Variants in BLTP1 observed in about 807,000 individuals in gnomAD.
The protein encoded by BLTP1 is bridge-like lipid transfer protein family member 1, also known as fragile site-associated protein.
the BLTP1 span, chr4:122,203,895 A>G: frequency 1.8e-5 from 8 of 445,592 alleles, no homozygotes; most frequent in African/African-American, 4.2e-5. Flanking sequence ...TTGGCTAATA[A>G]CTTTATAAAA....
chr4:122,284,154 C>T, the BLTP1 span, among the ~76,000 whole-genome samples: 2 of 152,140 alleles, frequency 1.3e-5, no homozygotes, highest in African/African-American at 4.8e-5. Flanking sequence ...GTGCTTGATG[C>T]TTTTTTGTTA....
the BLTP1 span, chr4:122,286,578 C>T: frequency 1.2e-6 from 2 of 1,613,954 alleles, no homozygotes; most frequent in African/African-American, 1.3e-5. Flanking sequence ...TGCCAAATCA[C>T]AGATTGCGTT....
At chr4:122,269,095 G>T in the BLTP1 span, 2 of 964,904 alleles carry the variant, frequency 2.1e-6, no homozygotes, top group Non-Finnish European at 2.5e-6. Flanking sequence ...ACTCTCTAGG[G>T]TTAAAATATC....
the BLTP1 span, chr4:122,247,646 C>T: frequency 8.4e-7 from 1 of 1,194,594 alleles, no homozygotes; most frequent in East Asian, 4.5e-5. Context: ...ATGCTATTTA[C>T]TTGCTCGTTA....
the BLTP1 span, chr4:122,164,357 G>A: frequency 1.0e-6 from 1 of 960,142 alleles, no homozygotes; most frequent in Non-Finnish European, 1.2e-6. Flanking sequence ...TTACACGCCA[G>A]TTGTAAAACA....
the BLTP1 span, among the ~76,000 whole-genome samples, chr4:122,340,003 A>G: frequency 1.3e-5 from 2 of 152,162 alleles, no homozygotes; most frequent in Non-Finnish European, 2.9e-5. Flanking sequence ...TAAAAATGAA[A>G]TAGAGATCAC....
At chr4:122,201,541 TTTAA>T in the BLTP1 span, among the ~76,000 whole-genome samples, 9 of 152,320 alleles carry the variant, frequency 5.9e-5, no homozygotes, top group Admixed American at 5.9e-4. Flanking sequence ...GGAGCCCTTA[TTTAA>T]TCTTTTCTGT....
At chr4:122,210,965 C>T in the BLTP1 span, 1 of 1,613,828 alleles carries the variant, frequency 6.2e-7, no homozygotes. Flanking sequence ...TCTTCTCCCT[C>T]TACTTCTTCA....
the BLTP1 span, chr4:122,300,017 T>G: frequency 1.2e-6 from 1 of 852,004 alleles, no homozygotes; most frequent in Non-Finnish European, 1.4e-6. Context: ...ATATATTTTT[T>G]TATTTTGTTT....
chr4:122,209,793 A>G, the BLTP1 span: 3 of 1,610,996 alleles, frequency 1.9e-6, no homozygotes, highest in Non-Finnish European at 2.5e-6. Flanking sequence ...ATCTGACTAG[A>G]AACTGTCTGT....
At chr4:122,343,631 T>A in the BLTP1 span, 1 of 1,608,414 alleles carries the variant, frequency 6.2e-7, no homozygotes, top group Non-Finnish European at 8.5e-7. Context: ...CATGTTTATG[T>A]CTTTTTCAGA....
At chr4:122,315,744 A>G in the BLTP1 span, 1 of 1,536,420 alleles carries the variant, frequency 6.5e-7, no homozygotes, top group Non-Finnish European at 9.0e-7. Context: ...TGAGACAGGG[A>G]TATTTTTTGT....
the BLTP1 span, chr4:122,246,549 A>G: frequency 8.8e-7 from 1 of 1,137,138 alleles, no homozygotes; most frequent in Non-Finnish European, 1.2e-6. Flanking sequence ...GAGAATCTGT[A>G]TTCATAAGCT....
the BLTP1 span, chr4:122,153,146 A>G: frequency 4.2e-6 from 1 of 239,506 alleles, no homozygotes; most frequent in Non-Finnish European, 6.3e-6. Context: ...TCCGGAGAGT[A>G]TTAGTTGTTG....
At chr4:122,361,536 G>A in the BLTP1 span, among the ~76,000 whole-genome samples, 1 of 152,136 alleles carries the variant, frequency 6.6e-6, no homozygotes, top group African/African-American at 2.4e-5. Flanking sequence ...TTGCCTGTTG[G>A]ATAAATCATC....
chr4:122,272,509 T>C, the BLTP1 span: 3 of 1,015,498 alleles, frequency 3.0e-6, no homozygotes, highest in African/African-American at 1.6e-5. Flanking sequence ...ATTGGCAAAT[T>C]TTTTTTTTCC....
the BLTP1 span, chr4:122,352,861 T>A: frequency 6.2e-7 from 1 of 1,602,110 alleles, no homozygotes; most frequent in African/African-American, 1.3e-5. Context: ...CCAAGGGTAC[T>A]CATTAGGCAC....
the BLTP1 span, chr4:122,186,064 C>T: frequency 1.1e-5 from 17 of 1,600,318 alleles, no homozygotes; most frequent in Admixed American, 1.7e-5. Flanking sequence ...GGTTATACAT[C>T]ACAGTCAATG....
At chr4:122,185,209 T>C in the BLTP1 span, 1 of 982,638 alleles carries the variant, frequency 1.0e-6, no homozygotes, top group Non-Finnish European at 1.2e-6. Context: ...ATCAGAGTTT[T>C]GTAAACTCCA....
Sources: gnomAD v4.1 joint callset for allele counts (sites outside exome capture counted in the v4.1 genomes callset) on GRCh38, gnomAD v4.1.1 for gene constraint, MANE v1.5 for transcripts, NCBI Gene and HGNC (gene_info 2026-07-23, HGNC 2026-07-21) for gene names.